ZCCHC7: variants seen among roughly 807,000 people sequenced by gnomAD.
ZCCHC7 encodes zinc finger CCHC-type containing 7, also known as zinc finger CCHC domain-containing protein 7.
Under a neutral mutation model 52.0 loss-of-function variants are expected in ZCCHC7, and 35 were observed. The ratio of observed to expected loss-of-function variants is 0.67; its 90% confidence interval spans 0.51 to 0.89. ZCCHC7 has a LOEUF of 0.89. Among genes scored for constraint, ZCCHC7 ranks in the 40% least tolerant of loss-of-function variants. The probability of loss-of-function intolerance (pLI) is 0.00; values close to 1 mark genes in which losing one functional copy is unlikely to be tolerated. For missense variants in ZCCHC7, 574 were observed against 649.1 expected (o/e 0.88, Z 1.26); for synonymous variants, 217 against 221.5 (o/e 0.98, Z 0.18).
At chr9:37,154,189 C>G (rs1035493505) in intron 2 of ZCCHC7, among the ~76,000 whole-genome samples, 1 of 152,068 alleles carries the variant, frequency 6.6e-6, no homozygotes, top group African/African-American at 2.4e-5. Flanking sequence ...CCGCCTGGCT[C>G]TTTGGGGATC....
chr9:37,216,257 ATGTT>A (rs1312862140), intron 2 of ZCCHC7, among the ~76,000 whole-genome samples: 2 of 152,210 alleles, frequency 1.3e-5, no homozygotes, highest in African/African-American at 2.4e-5. Context: ...CCACAGAAAA[ATGTT>A]TGTGAGCATG....
In ZCCHC7 at chr9:37,327,804, C is replaced by T. The variant is rs765210191; in HGVS notation, c.957C>T (p.Cys319=). ...TCAATATTTTTATTTTCCAGGCTTG[C>T]ACAGAAATCTGGAGGCAGTATCACC... ...CHMLGHYTDA[C]TEIWRQYHLT... Residue 319 remains cysteine (C), a synonymous_variant, in exon 6 of 9, where the codon TGC becomes TGT. Transcript: ENST00000336755. 1 of 1,613,028 alleles carries T rather than the reference C, an allele frequency of 6.2e-7. No individual in the cohort carries two copies. The highest frequency in any genetic ancestry group is 1.1e-5 in the South Asian group (1 of 91,030).
intron 6 of ZCCHC7, among the ~76,000 whole-genome samples, chr9:37,345,160 C>G (rs1326507439): frequency 6.6e-6 from 1 of 152,214 alleles, no homozygotes; most frequent in African/African-American, 2.4e-5. Flanking sequence ...ATTTCATAGT[C>G]TTCATCTTAT....
At chr9:37,289,694 A>G (rs562116027) in intron 2 of ZCCHC7, among the ~76,000 whole-genome samples, 1 of 152,290 alleles carries the variant, frequency 6.6e-6, no homozygotes, top group African/African-American at 2.4e-5. Flanking sequence ...TATTACTCTT[A>G]CGAGTTTTTG....
At chr9:37,178,086 A>G (rs531154115) in intron 2 of ZCCHC7, among the ~76,000 whole-genome samples, 47 of 152,352 alleles carry the variant, frequency 3.1e-4, no homozygotes, top group Admixed American at 2.5e-3. Flanking sequence ...TCGTTGTACT[A>G]TCTTCACAAT....
intron 2 of ZCCHC7, among the ~76,000 whole-genome samples, chr9:37,210,688 T>C (rs6476619): frequency 0.59 from 89,852 of 151,830 alleles, 27,496 homozygotes; most frequent in African/African-American, 0.75. Context: ...TATTTCTTAG[T>C]CCCCTCACAG....
At position 37,351,366 on chromosome 9, in the gene ZCCHC7, C is replaced by CACT. The variant is rs568660781; in HGVS notation, c.1083+1916_1083+1918dup. On this transcript the variant is annotated intron_variant, in intron 7 of 8. Transcript: ENST00000336755. ...GAGACACGGTACAGAGTGCAGTGGG[C>CACT]ACTATCTCAGCTCACTGCAGCTTTG... Among the ~76,000 whole-genome samples the CACT allele has an allele frequency of 5.8e-4, 88 of 152,234 alleles. 1 individual carries two copies. In the South Asian group the frequency reaches 0.018, roughly 31 times the overall value.
At chr9:37,342,176 T>C (rs1820682278) in intron 6 of ZCCHC7, among the ~76,000 whole-genome samples, 1 of 152,092 alleles carries the variant, frequency 6.6e-6, no homozygotes, top group South Asian at 2.1e-4. Flanking sequence ...AAGAGGTGGA[T>C]GTATTTGCAG....
At chr9:37,219,685 A>C (rs1487922156) in intron 2 of ZCCHC7, among the ~76,000 whole-genome samples, 2 of 152,266 alleles carry the variant, frequency 1.3e-5, no homozygotes, top group Non-Finnish European at 2.9e-5. Flanking sequence ...AAATTAATGC[A>C]TCTGAAATGA....
chr9:37,188,460 T>TTGGTC (rs1193159745), intron 2 of ZCCHC7, among the ~76,000 whole-genome samples: 20 of 149,240 alleles, frequency 1.3e-4, no homozygotes, highest in Non-Finnish European at 2.7e-4. Flanking sequence ...GCCCCTGAGG[T>TTGGTC]TGGTCTCTCC....
chr9:37,207,272 T>G (rs4526442), intron 2 of ZCCHC7, among the ~76,000 whole-genome samples: 1 of 152,090 alleles, frequency 6.6e-6, no homozygotes, highest in Non-Finnish European at 1.5e-5. Flanking sequence ...TTTGAAAGCT[T>G]TTTTTAGCAC....
At chr9:37,309,973 A>G in intron 5 of ZCCHC7, among the ~76,000 whole-genome samples, 1 of 151,944 alleles carries the variant, frequency 6.6e-6, no homozygotes, top group East Asian at 1.9e-4. Flanking sequence ...ATATATTCCC[A>G]TAGTCACACA....
At chr9:37,161,923 G>T (rs1821129379) in intron 2 of ZCCHC7, among the ~76,000 whole-genome samples, 1 of 152,114 alleles carries the variant, frequency 6.6e-6, no homozygotes, top group Non-Finnish European at 1.5e-5. Flanking sequence ...GATTACTTGA[G>T]CCCAAGAGTT....
chr9:37,232,272 G>T (rs1248975978), intron 2 of ZCCHC7, among the ~76,000 whole-genome samples: 1 of 152,150 alleles, frequency 6.6e-6, no homozygotes, highest in East Asian at 1.9e-4. Flanking sequence ...TCAAAATTTA[G>T]GAAGCTATGG....
At chr9:37,264,885 G>A (rs987927270) in intron 2 of ZCCHC7, among the ~76,000 whole-genome samples, 3 of 152,204 alleles carry the variant, frequency 2.0e-5, no homozygotes, top group African/African-American at 7.2e-5. Flanking sequence ...TATGTTTGAA[G>A]TGTAAGAGCA....
chr9:37,145,285 A>G (rs1843387700), intron 2 of ZCCHC7, among the ~76,000 whole-genome samples: 1 of 151,982 alleles, frequency 6.6e-6, no homozygotes, highest in East Asian at 1.9e-4. Flanking sequence ...AAAATTAAGT[A>G]AATTGTTTAA....
intron 2 of ZCCHC7, among the ~76,000 whole-genome samples, chr9:37,187,380 A>G (rs1419701368): frequency 2.0e-5 from 3 of 152,290 alleles, no homozygotes; most frequent in East Asian, 1.9e-4. Context: ...GCAGTTCACA[A>G]TAGGGTTCAT....
chr9:37,246,601 A>C (rs559217036), intron 2 of ZCCHC7, among the ~76,000 whole-genome samples: 1 of 152,328 alleles, frequency 6.6e-6, no homozygotes, highest in African/African-American at 2.4e-5. Flanking sequence ...CATTTGGGGC[A>C]GGAAAAAGAA....
intron 7 of ZCCHC7, among the ~76,000 whole-genome samples, chr9:37,352,700 A>G (rs953372451): frequency 7.8e-6 from 1 of 127,482 alleles, no homozygotes; most frequent in African/African-American, 3.1e-5. Flanking sequence ...TTTTTTTTGT[A>G]TTTTTAGTAG....
Sources: allele counts gnomAD v4.1 joint callset (sites outside exome capture counted in the v4.1 genomes callset), GRCh38; gene constraint gnomAD v4.1.1; transcripts MANE v1.5; gene names NCBI Gene and HGNC (gene_info 2026-07-23, HGNC 2026-07-21).